PDE3A: variants seen among roughly 807,000 people sequenced by gnomAD.
PDE3A encodes the protein phosphodiesterase 3A.
A neutral mutation model predicts 98.3 loss-of-function variants in PDE3A; 43 were observed. That is an observed-to-expected ratio of 0.44 (90% CI 0.34 to 0.56). The LOEUF (loss-of-function observed/expected upper bound fraction) is 0.56, where lower values mean the gene tolerates loss of function less well. Ranked by LOEUF, PDE3A falls within the 20% of genes least tolerant of loss-of-function variation. The pLI, the probability that PDE3A is intolerant of heterozygous loss-of-function variation, is 0.01. For synonymous variants in PDE3A, 663 were observed against 567.9 expected (o/e 1.17, Z -2.38); for missense variants, 1,427 against 1,440.7 (o/e 0.99, Z 0.15).
chr12:20,443,547 T>G (rs190278556), intron 1 of PDE3A, among the ~76,000 whole-genome samples: 1 of 152,300 alleles, frequency 6.6e-6, no homozygotes, highest in South Asian at 2.1e-4. Context: ...GACTAGTCAT[T>G]TTTTTGACTA....
intron 15 of PDE3A, among the ~76,000 whole-genome samples, chr12:20,660,152 A>G (rs141398206): frequency 1.6e-4 from 25 of 152,176 alleles, no homozygotes; most frequent in Non-Finnish European, 3.2e-4. Flanking sequence ...TGGTTTTATA[A>G]GAGGCTTTTC....
At chr12:20,666,220 C>T (rs1395289239) in intron 15 of PDE3A, among the ~76,000 whole-genome samples, 1 of 152,118 alleles carries the variant, frequency 6.6e-6, no homozygotes, top group Admixed American at 6.5e-5. Flanking sequence ...CCGCCTCGGC[C>T]TCCCAAAGTG....
intron 1 of PDE3A, among the ~76,000 whole-genome samples, chr12:20,395,827 CAG>C (rs1426660378): frequency 8.6e-5 from 13 of 151,580 alleles, no homozygotes; most frequent in Admixed American, 7.2e-4. Context: ...AAATTATTAA[CAG>C]AGGTTATCAA....
intron 15 of PDE3A, among the ~76,000 whole-genome samples, chr12:20,677,136 G>T (rs1282349701): frequency 2.6e-5 from 4 of 152,048 alleles, no homozygotes; most frequent in South Asian, 2.1e-4. Flanking sequence ...TAAAACTTTT[G>T]AATGTATTTT....
At chr12:20,384,585 T>C (rs1275670052) in intron 1 of PDE3A, among the ~76,000 whole-genome samples, 3 of 151,996 alleles carry the variant, frequency 2.0e-5, no homozygotes, top group Non-Finnish European at 4.4e-5. Context: ...GTTTGCTATG[T>C]AGGTAAACAT....
At chr12:20,614,427 T>TAAAC (rs138886008) in intron 3 of PDE3A, among the ~76,000 whole-genome samples, 5,770 of 152,250 alleles carry the variant, frequency 0.038, 149 homozygotes, top group Non-Finnish European at 0.057. Flanking sequence ...ATTTATTTAG[T>TAAAC]AAACAATCAG....
rs71039941 is a variant in PDE3A at position 20,415,401 on chromosome 12, C to CTTAT, written c.960+45174_960+45177dup. ...TAAGCCGTTGGCCTCCTTTTATCTACTTATTTATTTATTTATTTATATTTT... is the reference window on the plus strand; with the variant it reads ...TAAGCCGTTGGCCTCCTTTTATCTACTTATTTATTTATTTATTTATTTATATTTT... On this transcript the variant is annotated intron_variant, in intron 1 of 15. Coordinates refer to ENST00000359062, the MANE Select transcript of PDE3A (RefSeq NM_000921.5). Among the ~76,000 whole-genome samples the CTTAT allele has an allele frequency of 1.2e-4, 18 of 148,998 alleles. No individual in the cohort carries two copies. In the East Asian group the frequency reaches 2.4e-3, roughly 20 times the overall value.
chr12:20,439,579 G>T (rs1007611876), intron 1 of PDE3A, among the ~76,000 whole-genome samples: 2 of 152,176 alleles, frequency 1.3e-5, no homozygotes, highest in Admixed American at 1.3e-4. Flanking sequence ...TGCTTATAAG[G>T]CAAAATATTT....
chr12:20,520,533 T>C (rs1041895832), intron 1 of PDE3A, among the ~76,000 whole-genome samples: 1 of 152,200 alleles, frequency 6.6e-6, no homozygotes, highest in African/African-American at 2.4e-5. Context: ...GGAAAATAAA[T>C]TATAAATATT....
intron 1 of PDE3A, among the ~76,000 whole-genome samples, chr12:20,516,143 A>C (rs1592008448): frequency 6.6e-6 from 1 of 152,060 alleles, no homozygotes; most frequent in Non-Finnish European, 1.5e-5. Context: ...AGAAGTGATA[A>C]TTATTACGGA....
intron 1 of PDE3A, among the ~76,000 whole-genome samples, chr12:20,550,555 C>T (rs921526223): frequency 2.6e-5 from 4 of 151,798 alleles, no homozygotes; most frequent in East Asian, 1.9e-4. Flanking sequence ...TGATATAATG[C>T]CAGTAAATCC....
chr12:20,676,849 A>G (rs181722971), intron 15 of PDE3A, among the ~76,000 whole-genome samples: 17 of 152,130 alleles, frequency 1.1e-4, no homozygotes, highest in African/African-American at 3.9e-4. Context: ...GAGGACCTTG[A>G]ATTTTATTTG....
chr12:20,672,722 G>A (rs374124294), intron 15 of PDE3A, among the ~76,000 whole-genome samples: 1,661 of 129,290 alleles, frequency 0.013, 13 homozygotes, highest in East Asian at 0.048. Flanking sequence ...AGACTTAAAC[G>A]TTAGACCTAA....
chr12:20,419,711 C>A, intron 1 of PDE3A, among the ~76,000 whole-genome samples: 1 of 149,150 alleles, frequency 6.7e-6, no homozygotes, highest in African/African-American at 2.5e-5. Context: ...AATTATATGA[C>A]AACCCTATGA....
At chr12:20,454,692 A>G (rs143778060) in intron 1 of PDE3A, among the ~76,000 whole-genome samples, 2 of 152,158 alleles carry the variant, frequency 1.3e-5, no homozygotes, top group African/African-American at 4.8e-5. Flanking sequence ...TGTTCTCATC[A>G]TTTAGTTCCC....
At chr12:20,535,836 A>G (rs1941735726) in intron 1 of PDE3A, among the ~76,000 whole-genome samples, 1 of 152,136 alleles carries the variant, frequency 6.6e-6, no homozygotes, top group Non-Finnish European at 1.5e-5. Context: ...TCGATTAATA[A>G]AATATGTTTT....
chr12:20,650,461 G>T lies in PDE3A; in HGVS notation c.2786G>T (p.Gly929Val). The T allele has an allele frequency of 6.2e-7, 1 of 1,606,922 alleles. No homozygotes were observed. Among genetic ancestry groups the T allele is most frequent in the South Asian group, 1.1e-5 (1 of 90,212 alleles). ...KFNGKVNDDV[G>V]IDWTNENDRL... The stretch of plus-strand genomic sequence containing the variant: ...CTCAAATAGGTAAATGATGATGTTG[G>T]AATAGATTGGACCAATGAAAATGAT... Residue 929 changes from glycine to valine, a missense_variant, in exon 14 of 16, where the codon GGA becomes GTA. Gly to Val is a moderately radical substitution (Grantham distance 109). Coordinates refer to ENST00000359062, the MANE Select transcript of PDE3A (RefSeq NM_000921.5).
intron 7 of PDE3A, among the ~76,000 whole-genome samples, chr12:20,634,181 A>G (rs199819425): frequency 1.3e-5 from 2 of 152,146 alleles, no homozygotes; most frequent in Non-Finnish European, 2.9e-5. Flanking sequence ...ATATAGAACT[A>G]TATAGAAATA....
At position 20,442,762 on chromosome 12, in the gene PDE3A, T is replaced by C. The variant is rs193280986; in HGVS notation, c.960+72518T>C. ...AATCCTAAAGAGGTGAGATTGTATCTTTTAAAATCATTATCTCAGTTGAAA... is the reference window on the plus strand; with the variant it reads ...AATCCTAAAGAGGTGAGATTGTATCCTTTAAAATCATTATCTCAGTTGAAA... On this transcript the variant is annotated intron_variant, in intron 1 of 15. Coordinates refer to ENST00000359062, the MANE Select transcript of PDE3A (RefSeq NM_000921.5). Among the ~76,000 whole-genome samples, 381 of 152,348 alleles carry C rather than the reference T, an allele frequency of 2.5e-3. 13 individuals carry two copies. The highest frequency in any genetic ancestry group is 0.024 in the Admixed American group (362 of 15,298).
Sources: gnomAD v4.1 joint callset for allele counts (sites outside exome capture counted in the v4.1 genomes callset) on GRCh38, gnomAD v4.1.1 for gene constraint, MANE v1.5 for transcripts, NCBI Gene and HGNC (gene_info 2026-07-23, HGNC 2026-07-21) for gene names.